MAGI2: variants seen among roughly 807,000 people sequenced by gnomAD.
The protein encoded by MAGI2 is membrane associated guanylate kinase, WW and PDZ domain containing 2, also known as membrane-associated guanylate kinase, WW and PDZ domain-containing protein 2.
In MAGI2, 35 loss-of-function variants were observed where a neutral mutation model predicts 133.3. The ratio of observed to expected loss-of-function variants is 0.26; its 90% CI spans 0.20 to 0.35. MAGI2 has a LOEUF of 0.35. MAGI2 is among the 10% of genes least tolerant of loss of function. MAGI2 has a pLI of 1.00. For synonymous variants in MAGI2, 729 were observed against 710.6 expected (o/e 1.03, Z -0.41); for missense variants, 1,636 against 1,863.4 (o/e 0.88, Z 2.25).
intron 2 of MAGI2, among the ~76,000 whole-genome samples, chr7:78,853,374 G>A (rs1375218286): frequency 7.7e-5 from 1 of 12,942 alleles, no homozygotes; most frequent in East Asian, 2.4e-3. Flanking sequence ...TTTTTTTTTT[G>A]AGACAGAGTC....
At chr7:79,322,608 A>C (rs1326128196) in intron 1 of MAGI2, among the ~76,000 whole-genome samples, 3 of 152,126 alleles carry the variant, frequency 2.0e-5, no homozygotes, top group African/African-American at 7.2e-5. Context: ...CAACATGGTG[A>C]AACCCGTCTC....
chr7:79,184,283 A>C (rs1453198179), intron 1 of MAGI2, among the ~76,000 whole-genome samples: 1 of 151,550 alleles, frequency 6.6e-6, no homozygotes, highest in East Asian at 1.9e-4. Context: ...TGGTCAATTA[A>C]AAATAAACAT....
At chr7:78,394,554 C>T (rs2151323691) in intron 6 of MAGI2, among the ~76,000 whole-genome samples, 1 of 152,276 alleles carries the variant, frequency 6.6e-6, no homozygotes, top group South Asian at 2.1e-4. Flanking sequence ...TCCCATCTAA[C>T]TCTTCTCTCT....
intron 1 of MAGI2, among the ~76,000 whole-genome samples, chr7:79,405,781 G>A (rs1201963308): frequency 6.6e-6 from 1 of 152,042 alleles, no homozygotes; most frequent in Non-Finnish European, 1.5e-5. Context: ...AACTGGGTCA[G>A]AGAAAATATC....
At chr7:78,738,615 G>A (rs946835267) in intron 2 of MAGI2, among the ~76,000 whole-genome samples, 2 of 152,180 alleles carry the variant, frequency 1.3e-5, no homozygotes, top group African/African-American at 4.8e-5. Flanking sequence ...TAAGGATGGT[G>A]TAATGAATTT....
chr7:79,062,401 T>G (rs1813844518), intron 1 of MAGI2, among the ~76,000 whole-genome samples: 1 of 152,162 alleles, frequency 6.6e-6, no homozygotes, highest in South Asian at 2.1e-4. Context: ...TGTATAGAGA[T>G]GACTTGAAAA....
chr7:78,815,314 C>T (rs1341338779), intron 2 of MAGI2, among the ~76,000 whole-genome samples: 2 of 152,128 alleles, frequency 1.3e-5, no homozygotes, highest in Admixed American at 1.3e-4. Context: ...ATTTTCTGCT[C>T]ATCCTAGGGA....
At chr7:78,829,435 T>A (rs536240425) in intron 2 of MAGI2, among the ~76,000 whole-genome samples, 1 of 152,244 alleles carries the variant, frequency 6.6e-6, no homozygotes, top group Non-Finnish European at 1.5e-5. Flanking sequence ...GATTTTTTCA[T>A]GGCTCAATTA....
intron 2 of MAGI2, among the ~76,000 whole-genome samples, chr7:78,750,193 C>T (rs984431460): frequency 4.6e-5 from 7 of 152,112 alleles, no homozygotes; most frequent in Admixed American, 2.6e-4. Context: ...CATATATGTC[C>T]TGGCAGAAGA....
intron 2 of MAGI2, among the ~76,000 whole-genome samples, chr7:78,917,325 A>G (rs1798881540): frequency 6.6e-6 from 1 of 152,086 alleles, no homozygotes; most frequent in Admixed American, 6.6e-5. Flanking sequence ...TGTAGGAGGT[A>G]TAAGTCTGCA....
rs150634837 is a variant in MAGI2 at position 78,803,666 on chromosome 7, T to C, written c.419-176427A>G. 2.0e-3 allele frequency among the ~76,000 whole-genome samples: 312 copies of C among 152,284 alleles called. 1 individual carries two copies. Among genetic ancestry groups the C allele is most frequent in the African/African-American group, 7.2e-3 (300 of 41,554 alleles). ...CATCAGAAAAGGGGGAAAAAGGAAA[T>C]GCTGACGCGTGTGTTGAATAATATT... is the stretch of plus-strand genomic sequence containing the variant. On this transcript the variant is annotated intron_variant, in intron 2 of 21. Coordinates refer to ENST00000354212, the MANE Select transcript of MAGI2 (RefSeq NM_012301.4).
chr7:79,236,940 G>T (rs1831968285), intron 1 of MAGI2, among the ~76,000 whole-genome samples: 2 of 152,148 alleles, frequency 1.3e-5, no homozygotes, highest in South Asian at 4.1e-4. Flanking sequence ...AGCTACTCAG[G>T]AGACTGAGGT....
intron 2 of MAGI2, among the ~76,000 whole-genome samples, chr7:78,796,979 G>T (rs570840244): frequency 6.6e-6 from 1 of 152,232 alleles, no homozygotes; most frequent in South Asian, 2.1e-4. Flanking sequence ...GGCTAAAAAG[G>T]GAAGGTGTGA....
At chr7:79,083,189 G>A (rs745315953) in intron 1 of MAGI2, among the ~76,000 whole-genome samples, 73 of 151,274 alleles carry the variant, frequency 4.8e-4, no homozygotes, top group Middle Eastern at 6.8e-3. Flanking sequence ...TAGCTTAAAT[G>A]CTCTTGCTGG....
At chr7:78,399,132 A>G (rs1796618548) in intron 6 of MAGI2, among the ~76,000 whole-genome samples, 1 of 152,220 alleles carries the variant, frequency 6.6e-6, no homozygotes, top group Non-Finnish European at 1.5e-5. Context: ...TGAAAAATCC[A>G]CAGTGCAGAA....
chr7:78,246,898 G>A (rs1410597804), intron 10 of MAGI2, among the ~76,000 whole-genome samples: 1 of 152,168 alleles, frequency 6.6e-6, no homozygotes. Context: ...CTGGCCCCCT[G>A]GGCCTAAGCT....
At chr7:78,938,176 CAAAAT>C (rs1242727743) in intron 2 of MAGI2, among the ~76,000 whole-genome samples, 1 of 151,678 alleles carries the variant, frequency 6.6e-6, no homozygotes, top group East Asian at 1.9e-4. Flanking sequence ...GTTGAAAAAA[CAAAAT>C]AGACTTGTAC....
At chr7:79,401,038 A>G (rs747824844) in intron 1 of MAGI2, among the ~76,000 whole-genome samples, 13 of 152,176 alleles carry the variant, frequency 8.5e-5, no homozygotes, top group Non-Finnish European at 1.8e-4. Flanking sequence ...TCCTAGGATC[A>G]TCAGAGGATA....
In MAGI2 at chr7:79,239,255, T is replaced by C. The variant is rs1167072293; in HGVS notation, c.301+213765A>G. ...CATACAGTATAAGCAGAAAAGTGGC[T>C]AATGCATTTGACAAACTTGTAACTA... is the stretch of plus-strand genomic sequence containing the variant. On this transcript the variant is annotated intron_variant, in intron 1 of 21. Transcript: ENST00000354212. Among the ~76,000 whole-genome samples, 3 of 152,206 alleles carry C rather than the reference T, an allele frequency of 2.0e-5. No individual in the cohort carries two copies. The East Asian group carries it at 5.8e-4, about 29-fold the overall frequency.
Sources: gnomAD v4.1 joint callset for allele counts (sites outside exome capture counted in the v4.1 genomes callset) on GRCh38, gnomAD v4.1.1 for gene constraint, MANE v1.5 for transcripts, NCBI Gene and HGNC (gene_info 2026-07-23, HGNC 2026-07-21) for gene names.